NAALADL2: variants seen among roughly 807,000 people sequenced by gnomAD.
NAALADL2 encodes the protein inactive N-acetylated-alpha-linked acidic dipeptidase-like protein 2.
In NAALADL2, 76 loss-of-function variants were observed where a neutral mutation model predicts 87.2. That is an observed-to-expected ratio of 0.87 (90% CI 0.72 to 1.05). The LOEUF (loss-of-function observed/expected upper bound fraction) is 1.05, where lower values mean the gene tolerates loss of function less well. Among genes scored for constraint, NAALADL2 ranks in the 50% least tolerant of loss-of-function variants. The pLI, the probability that NAALADL2 is intolerant of heterozygous loss-of-function variation, is 0.00. For missense variants in NAALADL2, 1,089 were observed against 945.8 expected, an observed-to-expected ratio of 1.15 and a Z score of -1.99; for synonymous variants, 354 against 331.0, an observed-to-expected ratio of 1.07 and a Z score of -0.75.
chr3:174,547,870 C>T (rs967988355), intron 1 of NAALADL2, among the ~76,000 whole-genome samples: 2 of 152,082 alleles, frequency 1.3e-5, no homozygotes, highest in African/African-American at 4.8e-5. Context: ...TGGCATTTCA[C>T]AAAATGTTGA....
At chr3:174,838,033 A>AG (rs1723560702) in intron 3 of NAALADL2, among the ~76,000 whole-genome samples, 1 of 137,020 alleles carries the variant, frequency 7.3e-6, no homozygotes, top group Non-Finnish European at 1.6e-5. Flanking sequence ...AAAAAAAAAA[A>AG]AAAGAAAAAA....
rs572517033 is a variant in NAALADL2, at chr3:174,932,648, T to C, written c.43+73198T>C. 1.1e-4 allele frequency among the ~76,000 whole-genome samples: 16 copies of C among 152,322 alleles called. No homozygotes were observed. The South Asian group carries it at 3.3e-3, about 32-fold the overall frequency. On this transcript the variant is annotated intron_variant, in intron 1 of 13. Coordinates refer to ENST00000454872, the MANE Select transcript of NAALADL2 (RefSeq NM_207015.3). ...ACCCTGGAGTGTCTTAGATGCTCCG[T>C]TGCAATGGTCTGTCAGCAAAAAAAT...
At chr3:174,976,216 A>T (rs1744341027) in intron 1 of NAALADL2, among the ~76,000 whole-genome samples, 1 of 152,162 alleles carries the variant, frequency 6.6e-6, no homozygotes, top group African/African-American at 2.4e-5. Flanking sequence ...TTGCAAAATG[A>T]TTAGTTACAT....
chr3:174,914,409 AT>A (rs1453229889), intron 1 of NAALADL2, among the ~76,000 whole-genome samples: 1 of 152,120 alleles, frequency 6.6e-6, no homozygotes, highest in African/African-American at 2.4e-5. Context: ...GATAATGAAT[AT>A]TTAGTATCAT....
At chr3:174,537,615 C>T (rs62287298) in intron 1 of NAALADL2, among the ~76,000 whole-genome samples, 20,123 of 151,988 alleles carry the variant, frequency 0.13, 1,409 homozygotes, top group Middle Eastern at 0.15. Context: ...GGAACAATAG[C>T]GACAGCATGG....
chr3:174,788,030 T>C (rs1437754629), intron 3 of NAALADL2, among the ~76,000 whole-genome samples: 4 of 151,992 alleles, frequency 2.6e-5, no homozygotes, highest in Admixed American at 2.0e-4. Flanking sequence ...GTTAGATGGA[T>C]AGTTGAAAGG....
intron 4 of NAALADL2, among the ~76,000 whole-genome samples, chr3:175,278,802 C>A (rs1233072000): frequency 3.9e-5 from 6 of 152,098 alleles, no homozygotes. Flanking sequence ...AGTGGCAGAA[C>A]TTAGAGAGTT....
At chr3:174,817,499 G>C (rs958175772) in intron 3 of NAALADL2, among the ~76,000 whole-genome samples, 1 of 152,126 alleles carries the variant, frequency 6.6e-6, no homozygotes, top group Non-Finnish European at 1.5e-5. Context: ...CTACTTAAAA[G>C]GCTGAGGTGG....
At chr3:174,913,566 A>C (rs899904032) in intron 1 of NAALADL2, among the ~76,000 whole-genome samples, 9 of 152,038 alleles carry the variant, frequency 5.9e-5, no homozygotes, top group Non-Finnish European at 2.9e-5. Context: ...ACCTCAGGCT[A>C]CTCATTAGTG....
chr3:174,653,819 A>C (rs1200583858), intron 2 of NAALADL2, among the ~76,000 whole-genome samples: 4 of 152,130 alleles, frequency 2.6e-5, no homozygotes, highest in Non-Finnish European at 5.9e-5. Flanking sequence ...ATGTAGAGAA[A>C]ATATTGATTT....
chr3:175,116,772 A>G (rs1411545819), intron 2 of NAALADL2, among the ~76,000 whole-genome samples: 2 of 152,118 alleles, frequency 1.3e-5, no homozygotes, highest in Non-Finnish European at 2.9e-5. Flanking sequence ...TTTAAAGTCC[A>G]TATGGAACCA....
intron 10 of NAALADL2, among the ~76,000 whole-genome samples, chr3:175,616,028 T>C (rs1164997263): frequency 6.8e-6 from 1 of 147,256 alleles, no homozygotes; most frequent in Non-Finnish European, 1.5e-5. Context: ...ATATATTACA[T>C]ATACTGTAAT....
chr3:175,733,461 C>T (rs985956158), intron 11 of NAALADL2, among the ~76,000 whole-genome samples: 2 of 152,146 alleles, frequency 1.3e-5, no homozygotes, highest in South Asian at 4.1e-4. Context: ...AGACCCGCTC[C>T]CATGATTCAA....
chr3:174,811,753 G>T (rs1042969139), intron 3 of NAALADL2, among the ~76,000 whole-genome samples: 1 of 151,978 alleles, frequency 6.6e-6, no homozygotes, highest in African/African-American at 2.4e-5. Context: ...ATTTAGGAGG[G>T]GCCAGGTGCA....
Position 175,128,791 on chromosome 3 carries a change from CA to C in NAALADL2, c.545+31502del, listed in dbSNP as rs1416386033. Among the ~76,000 whole-genome samples, 13 of 151,900 alleles carry C rather than the reference CA, an allele frequency of 8.6e-5. No homozygotes were observed. The East Asian group carries it at 2.1e-3, about 25-fold the overall frequency. On this transcript the variant is annotated intron_variant, in intron 2 of 13. Transcript: ENST00000454872. ...AAGAGACTGTAAATGCCATCAAATCCAATATTTTTACTTTTATTTTTAAATT... is the reference window on the plus strand; with the variant it reads ...AAGAGACTGTAAATGCCATCAAATCCATATTTTTACTTTTATTTTTAAATT...
rs970039825 is a variant in NAALADL2, at chr3:175,406,036, G to A, written c.1091-41193G>A. ...TGGTAATAAATAGGACAGACAAGGC[G>A]CTTACCCTCATGGAGTTTATAGCCG... On this transcript the variant is annotated intron_variant, in intron 5 of 13. Coordinates refer to ENST00000454872, the MANE Select transcript of NAALADL2 (RefSeq NM_207015.3). Among the ~76,000 whole-genome samples, 5 of 152,254 alleles carry A rather than the reference G, an allele frequency of 3.3e-5. No homozygotes were observed. In the East Asian group the frequency reaches 9.7e-4, roughly 29 times the overall value.
At position 175,236,790 on chromosome 3, in the gene NAALADL2, G is replaced by A. The variant is rs141331008; in HGVS notation, c.819+2586G>A. 2.7e-3 allele frequency among the ~76,000 whole-genome samples: 412 copies of A among 152,222 alleles called. 1 individual carries two copies. Among genetic ancestry groups the A allele is most frequent in the African/African-American group, 9.5e-3 (396 of 41,540 alleles). ...AGATATTGGACACAGAGTATTGTAC[G>A]TAATTGTATGTTTGCTTTTTATATT... On this transcript the variant is annotated intron_variant, in intron 3 of 13. Coordinates refer to ENST00000454872, the MANE Select transcript of NAALADL2 (RefSeq NM_207015.3).
chr3:175,187,199 G>C (rs182654262), intron 2 of NAALADL2, among the ~76,000 whole-genome samples: 3 of 152,000 alleles, frequency 2.0e-5, no homozygotes, highest in African/African-American at 7.2e-5. Flanking sequence ...CATTCATTAA[G>C]TTCATAAACA....
chr3:175,691,780 A>G (rs1737078502), intron 11 of NAALADL2, among the ~76,000 whole-genome samples: 1 of 152,110 alleles, frequency 6.6e-6, no homozygotes, highest in African/African-American at 2.4e-5. Context: ...AGTGGTTTGC[A>G]TTTTTATAAC....
Sources: allele counts gnomAD v4.1 joint callset (sites outside exome capture counted in the v4.1 genomes callset), GRCh38; gene constraint gnomAD v4.1.1; transcripts MANE v1.5; gene names NCBI Gene and HGNC (gene_info 2026-07-23, HGNC 2026-07-21).